The following NFASC variants were observed in gnomAD, a reference collection of about 807,000 sequenced individuals.
NFASC encodes the protein neurofascin.
NFASC carries 43 observed loss-of-function variants against 147.5 expected under a neutral mutation model. The ratio of observed to expected loss-of-function variants is 0.29; its 90% CI spans 0.23 to 0.38. NFASC has a LOEUF of 0.38. Ranked by LOEUF, NFASC falls within the 10% of genes least tolerant of loss-of-function variation. The pLI is 1.00. For missense variants in NFASC, 1,320 were observed against 1,689.0 expected (o/e 0.78, Z 3.83); for synonymous variants, 622 against 665.5 (o/e 0.93, Z 1.01).
At position 204,920,803 on chromosome 1, in the gene NFASC, G is replaced by A. The variant is rs550096256; in HGVS notation, c.-91+63G>A. 2.2e-4 allele frequency: 156 copies of A among 721,168 alleles called. 1 individual carries two copies. In the East Asian group the frequency reaches 7.9e-3, roughly 37 times the overall value. 44.7% of individuals were successfully genotyped at this position (721,168 alleles called of 1,614,324 possible). Reference sequence around the variant, plus strand: ...GGGGTGAGAATGAGGGGACATTCTCGCCTCCTGCCCCTTCTCTTTGATAAG... The same window carrying A: ...GGGGTGAGAATGAGGGGACATTCTCACCTCCTGCCCCTTCTCTTTGATAAG... On this transcript the variant is annotated intron_variant, in intron 2 of 29. Transcript: ENST00000339876.
In NFASC at chr1:204,981,852, A is replaced by G; in HGVS notation, c.2302A>G (p.Arg768Gly). Residue 768 changes from arginine to glycine, a missense_variant, in exon 21 of 30, where the codon AGG becomes GGG. By Grantham distance (125) the Arg-to-Gly change is moderately radical (BLOSUM62 -2). Coordinates refer to ENST00000339876, the MANE Select transcript of NFASC (RefSeq NM_001005388.3). ...GPNLRYIVKW[R>G]RRETREAWNN... ...CAACCTGCGCTACATTGTCAAGTGG[A>G]GGCGGAGAGAGACTCGAGAGGCCTG... The G allele has an allele frequency of 6.3e-7, 1 of 1,599,484 alleles. No homozygotes were observed. Among genetic ancestry groups the G allele is most frequent in the Non-Finnish European group, 8.5e-7 (1 of 1,173,072 alleles).
chr1:204,978,748 T>A (rs553251019), intron 17 of NFASC, among the ~76,000 whole-genome samples: 3 of 149,630 alleles, frequency 2.0e-5, no homozygotes, highest in Non-Finnish European at 3.0e-5. Context: ...CCATTGATAT[T>A]CTTTGTGGGG....
At chr1:205,011,908 G>A (rs1298384664) in intron 28 of NFASC, among the ~76,000 whole-genome samples, 1 of 151,798 alleles carries the variant, frequency 6.6e-6, no homozygotes, top group African/African-American at 2.4e-5. Flanking sequence ...GTAAAACCTC[G>A]TCTCTACTAA....
chr1:204,952,039 G>A lies in NFASC; in HGVS notation c.138G>A (p.Gln46=). The A allele has an allele frequency of 6.2e-7, 1 of 1,614,170 alleles. No homozygotes were observed. The highest frequency in any genetic ancestry group is 8.5e-7 in the Non-Finnish European group (1 of 1,180,038). ...CGCAGCCGCCAACCATCACCAAGCAGTCAGCGAAGGATCACATCGTGGACC... is the reference window on the plus strand; with the variant it reads ...CGCAGCCGCCAACCATCACCAAGCAATCAGCGAAGGATCACATCGTGGACC... ...ELTQPPTITK[Q]SAKDHIVDPR... Residue 46 remains glutamine (Q), a synonymous_variant, in exon 5 of 30, where the codon CAG becomes CAA. Coordinates refer to ENST00000339876, the MANE Select transcript of NFASC (RefSeq NM_001005388.3).
At chr1:205,011,438 T>C (rs2096252395) in intron 28 of NFASC, among the ~76,000 whole-genome samples, 1 of 152,208 alleles carries the variant, frequency 6.6e-6, no homozygotes, top group Admixed American at 6.5e-5. Context: ...GGGAAAAGGC[T>C]GCCTCCTCCG....
At position 204,906,204 on chromosome 1, in the gene NFASC, G is replaced by T. The variant is rs559402982; in HGVS notation, c.-199-14428G>T. 4.5e-4 allele frequency among the ~76,000 whole-genome samples: 69 copies of T among 152,154 alleles called. 3 individuals carry two copies. The South Asian group carries it at 0.014, about 31-fold the overall frequency. The stretch of plus-strand genomic sequence containing the variant: ...TTAAGGCTTTTTTCTTCCAAATGAG[G>T]TTTACTGAGTTATAAGTTACACAGA... On this transcript the variant is annotated intron_variant, in intron 1 of 29. Coordinates refer to ENST00000339876, the MANE Select transcript of NFASC (RefSeq NM_001005388.3).
chr1:204,995,179 T>A (rs1235078660), intron 24 of NFASC, among the ~76,000 whole-genome samples: 1 of 152,084 alleles, frequency 6.6e-6, no homozygotes, highest in African/African-American at 2.4e-5. Flanking sequence ...TTGCTCCAGG[T>A]CTGTGCCAGC....
chr1:204,897,688 C>T (rs2083648495), intron 1 of NFASC, among the ~76,000 whole-genome samples: 1 of 151,842 alleles, frequency 6.6e-6, no homozygotes, highest in Non-Finnish European at 1.5e-5. Flanking sequence ...ATTCTTCCAC[C>T]TCAGCCTCCC....
chr1:204,892,775 T>G (rs1268254872), intron 1 of NFASC, among the ~76,000 whole-genome samples: 3 of 152,278 alleles, frequency 2.0e-5, no homozygotes, highest in Non-Finnish European at 4.4e-5. Context: ...TCTTTTTACT[T>G]CTTTAATATG....
At position 204,987,616 on chromosome 1, in the gene NFASC, T is replaced by C. The variant is rs975937353; in HGVS notation, c.2593+76T>C. On this transcript the variant is annotated intron_variant, in intron 22 of 29. Transcript: ENST00000339876. This position sits in a 1 kb window ranked among gnomAD's most constrained non-coding sequence, Gnocchi z 4.4. ...CATTCTCACCACTTTTCCTAAGGAC[T>C]CAAGGTAGAAAGCCTGTGGGTGCAG... 2.6e-6 allele frequency: 4 copies of C among 1,568,484 alleles called. No individual in the cohort carries two copies. Among genetic ancestry groups the C allele is most frequent in the South Asian group, 2.3e-5 (2 of 88,510 alleles).
At chr1:204,947,854 T>C (rs1364618866) in intron 3 of NFASC, among the ~76,000 whole-genome samples, 1 of 151,884 alleles carries the variant, frequency 6.6e-6, no homozygotes, top group African/African-American at 2.4e-5. Context: ...ATATGCACAC[T>C]CTCACACATA....
At chr1:204,951,369 G>C (rs12095881) in intron 4 of NFASC, among the ~76,000 whole-genome samples, 3,276 of 142,872 alleles carry the variant, frequency 0.023, 139 homozygotes, top group African/African-American at 0.08. Flanking sequence ...TTACCATGTT[G>C]GCCAGGCTGG....
intron 21 of NFASC, among the ~76,000 whole-genome samples, chr1:204,985,607 G>T (rs2095600814): frequency 1.3e-5 from 2 of 152,208 alleles, no homozygotes; most frequent in African/African-American, 2.4e-5. Context: ...TTGGAAATCA[G>T]TCTCATGATG....
chr1:204,980,298 C>A, intron 19 of NFASC, 72 bp from the exon 20 acceptor site: 1 of 1,160,554 alleles, frequency 8.6e-7, no homozygotes, highest in Non-Finnish European at 1.3e-6. Context: ...TCAGGTAGGA[C>A]AGAGGAAGGT....
At chr1:204,988,605 T>G in intron 22 of NFASC, 28 bp from the exon 23 acceptor site, 2 of 1,608,250 alleles carry the variant, frequency 1.2e-6, no homozygotes, top group Non-Finnish European at 1.7e-6. Flanking sequence ...TTGCTAAAGT[T>G]TAATTCCACT....
chr1:204,929,753 T>C (rs2092160718), intron 2 of NFASC, among the ~76,000 whole-genome samples: 1 of 152,058 alleles, frequency 6.6e-6, no homozygotes, highest in Admixed American at 6.5e-5. Flanking sequence ...CCTCCCTGCC[T>C]CTTCCCCTTC....
intron 8 of NFASC, among the ~76,000 whole-genome samples, chr1:204,967,548 G>T (rs2095030430): frequency 6.6e-6 from 1 of 152,026 alleles, no homozygotes; most frequent in African/African-American, 2.4e-5. Flanking sequence ...CCTCCAACTT[G>T]GCGGCCACTT....
At position 204,935,400 on chromosome 1, in the gene NFASC, G is replaced by A. The variant is rs146042826; in HGVS notation, c.-90-8826G>A. 9.1e-3 allele frequency among the ~76,000 whole-genome samples: 1,384 copies of A among 152,324 alleles called. 14 individuals are homozygous for A. Among genetic ancestry groups the A allele is most frequent in the Non-Finnish European group, 0.012 (824 of 68,014 alleles). ...GCAGGCAGGGGAGTGGGAAAGCTTTGTCATGAGTGAAAGGAAGGCTCCAGA... is the reference window on the plus strand; with the variant it reads ...GCAGGCAGGGGAGTGGGAAAGCTTTATCATGAGTGAAAGGAAGGCTCCAGA... On this transcript the variant is annotated intron_variant, in intron 2 of 29. Transcript: ENST00000339876.
At chr1:204,915,424 A>G (rs770515649) in intron 1 of NFASC, among the ~76,000 whole-genome samples, 14 of 152,238 alleles carry the variant, frequency 9.2e-5, no homozygotes, top group Non-Finnish European at 1.2e-4. Flanking sequence ...ATACATGTAT[A>G]TGTATATGTG....
Sources: allele counts gnomAD v4.1 joint callset (sites outside exome capture counted in the v4.1 genomes callset), GRCh38; gene constraint gnomAD v4.1.1; non-coding constraint Gnocchi (gnomAD v3.1); transcripts MANE v1.5; gene names NCBI Gene and HGNC (gene_info 2026-07-23, HGNC 2026-07-21).